The following SMAD4 variants were observed in gnomAD, a reference collection of about 807,000 sequenced individuals.
The protein encoded by SMAD4 is SMAD family member 4, also known as MAD homolog 4.
A neutral mutation model predicts 63.2 loss-of-function variants in SMAD4; 7 were observed. That is an observed-to-expected ratio of 0.11 (90% CI 0.06 to 0.21). The LOEUF is 0.21. Ranked by LOEUF, SMAD4 falls within the 10% of genes least tolerant of loss-of-function variation. SMAD4 has a pLI of 1.00. For synonymous variants in SMAD4, 215 were observed against 235.4 expected, an observed-to-expected ratio of 0.91 and a Z score of 0.79; for missense variants, 312 against 693.8, an observed-to-expected ratio of 0.45 and a Z score of 6.18.
In SMAD4 at chr18:51,035,456, C is replaced by G. The variant is rs906541836; in HGVS notation, c.-128+4833C>G. Among the ~76,000 whole-genome samples, 8 of 152,220 alleles carry G rather than the reference C, an allele frequency of 5.3e-5. No homozygotes were observed. In the South Asian group the frequency reaches 1.7e-3, roughly 32 times the overall value. On this transcript the variant is annotated intron_variant, in intron 1 of 11. Transcript: ENST00000342988. ...CTTCAGGAGGCTAAGGCAAGAGGATCACTTGAGCCCAGGATTTCAAGGCCA... is the reference window on the plus strand; with the variant it reads ...CTTCAGGAGGCTAAGGCAAGAGGATGACTTGAGCCCAGGATTTCAAGGCCA...
rs1909892677 is a variant in SMAD4, at chr18:51,058,175, A to T, written c.718A>T (p.Ile240Leu). The change falls in exon 6 of 12, where the codon ATA becomes TTA. Residue 240 changes from isoleucine (I) to leucine (L), a missense_variant. Around this residue, in one of 4 missense-constraint regions of SMAD4, gnomAD observed 169 missense variants for 211.0 expected, o/e 0.80. Transcript: ENST00000342988. The stretch of plus-strand genomic sequence containing the variant: ...CAGCCATAGTGAAGGACTGTTGCAG[A>T]TAGCATCAGGGCCTCAGCCAGGACA... ...GGSHSEGLLQIASGPQPGQQQ... is the reference protein window; with the variant it reads ...GGSHSEGLLQLASGPQPGQQQ... 1 of 1,614,144 alleles carries T rather than the reference A, an allele frequency of 6.2e-7. No homozygotes were observed.
intron 7 of SMAD4, 141 bp downstream of exon 7, chr18:51,058,597 G>A (rs1352453111): frequency 4.5e-6 from 3 of 661,672 alleles, no homozygotes; most frequent in Non-Finnish European, 7.8e-6. Flanking sequence ...AGTATTTTTT[G>A]TAAACAGTAT....
chr18:51,055,638 G>T (rs940259825), intron 5 of SMAD4, among the ~76,000 whole-genome samples: 3 of 151,732 alleles, frequency 2.0e-5, no homozygotes, highest in African/African-American at 4.8e-5. Flanking sequence ...ACCTGGTTCT[G>T]TTACTTATTT....
At chr18:51,051,287 A>G (rs1295151995) in intron 4 of SMAD4, 1 of 449,104 alleles carries the variant, frequency 2.2e-6, no homozygotes, top group Non-Finnish European at 4.5e-6. Flanking sequence ...GTAGGGCTGT[A>G]TTCAGCCTTG....
intron 4 of SMAD4, chr18:51,053,230 A>G (rs1909753916): frequency 6.6e-6 from 1 of 152,144 alleles, no homozygotes; most frequent in Admixed American, 6.5e-5. Context: ...AAAACCAGTA[A>G]GTTGGTAAAA....
rs1599186888 is a variant in SMAD4, at chr18:51,054,867, A to G, written c.541A>G (p.Thr181Ala). The change falls in exon 5 of 12, where the codon ACC becomes GCC. Residue 181 changes from threonine to alanine, a missense_variant. Thr to Ala is a moderately conservative substitution (Grantham distance 58). This residue lies in a region of SMAD4 where 169 missense variants were observed against 211.0 expected (regional missense o/e 0.80). Transcript: ENST00000342988. ...SLSTEGHSIQTIQHPPSNRAS... is the reference protein window; with the variant it reads ...SLSTEGHSIQAIQHPPSNRAS... ...GTCCACTGAAGGACATTCAATTCAAACCATCCAGCATCCACCAAGTAATCG... is the reference window on the plus strand; with the variant it reads ...GTCCACTGAAGGACATTCAATTCAAGCCATCCAGCATCCACCAAGTAATCG... 1 of 1,614,112 alleles carries G rather than the reference A, an allele frequency of 6.2e-7. No homozygotes were observed. The highest frequency in any genetic ancestry group is 8.5e-7 in the Non-Finnish European group (1 of 1,179,936).
At chr18:51,075,473 TAA>T (rs1910448234) in intron 10 of SMAD4, among the ~76,000 whole-genome samples, 1 of 152,244 alleles carries the variant, frequency 6.6e-6, no homozygotes, top group African/African-American at 2.4e-5. Context: ...GTTCAGAAAT[TAA>T]AGTGATTTAA....
intron 4 of SMAD4, chr18:51,053,137 A>G (rs1909752405): frequency 6.6e-6 from 1 of 152,200 alleles, no homozygotes; most frequent in African/African-American, 2.4e-5. Flanking sequence ...AGATGTTATG[A>G]TTGCTGATTA....
intron 5 of SMAD4, among the ~76,000 whole-genome samples, chr18:51,055,466 C>T (rs1568205274): frequency 6.6e-6 from 1 of 151,674 alleles, no homozygotes; most frequent in East Asian, 1.9e-4. Context: ...TCAAGATAGA[C>T]ATTAATTAAG....
chr18:51,050,371 G>T (rs184766805), intron 4 of SMAD4, among the ~76,000 whole-genome samples: 16 of 148,626 alleles, frequency 1.1e-4, no homozygotes, highest in Non-Finnish European at 2.2e-4. Context: ...AAAAAAAAGT[G>T]GGGGGAGGCT....
In SMAD4 at chr18:51,059,886, G is replaced by T. The variant is rs774463256; in HGVS notation, c.925G>T (p.Ala309Ser). 6.2e-7 allele frequency: 1 copy of T among 1,613,258 alleles called. No individual in the cohort carries two copies. Among genetic ancestry groups the T allele is most frequent in the Non-Finnish European group, 8.5e-7 (1 of 1,179,358 alleles). ...GHYWPVHNELAFQPPISNHPA... is the reference protein window; with the variant it reads ...GHYWPVHNELSFQPPISNHPA... The stretch of plus-strand genomic sequence containing the variant: ...TTTAGGGCCTGTTCACAATGAGCTT[G>T]CATTCCAGCCTCCCATTTCCAATCA... The change falls in exon 8 of 12, where the codon GCA (alanine) becomes TCA (serine). Residue 309 changes from alanine to serine, a missense_variant. Ala to Ser is a moderately conservative substitution (Grantham distance 99). Around this residue, in one of 4 missense-constraint regions of SMAD4, gnomAD observed 169 missense variants for 211.0 expected, o/e 0.80. Transcript: ENST00000342988.
chr18:51,059,893 A>G lies in SMAD4; in HGVS notation c.932A>G (p.Gln311Arg), dbSNP rs1381679797. The stretch of plus-strand genomic sequence containing the variant: ...CCTGTTCACAATGAGCTTGCATTCC[A>G]GCCTCCCATTTCCAATCATCCTGGT... ...YWPVHNELAF[Q>R]PPISNHPAPE... is the part of the protein sequence containing the mutation. Residue 311 changes from glutamine (Q) to arginine (R), a missense_variant, in exon 8 of 12, where the codon CAG becomes CGG. Physicochemically the swap from Gln to Arg is conservative, Grantham distance 43 (BLOSUM62 1). This residue lies in a region of SMAD4 where 169 missense variants were observed against 211.0 expected (regional missense o/e 0.80). Coordinates refer to ENST00000342988, the MANE Select transcript of SMAD4 (RefSeq NM_005359.6). 6.2e-7 allele frequency: 1 copy of G among 1,612,974 alleles called. No homozygotes were observed. Among genetic ancestry groups the G allele is most frequent in the Non-Finnish European group, 8.5e-7 (1 of 1,179,210 alleles).
At chr18:51,045,027 G>A (rs949223399) in intron 1 of SMAD4, 3 of 152,222 alleles carry the variant, frequency 2.0e-5, no homozygotes, top group African/African-American at 7.2e-5. Context: ...TAACAACAGA[G>A]GGAGGAGCAA....
rs1476645102 is a variant in SMAD4 at position 51,083,145 on chromosome 18, G to A, written c.*4678G>A. 1 of 225,538 alleles carries A rather than the reference G, an allele frequency of 4.4e-6. No individual in the cohort carries two copies. The highest frequency in any genetic ancestry group is 6.4e-5 in the East Asian group (1 of 15,590). The allele number at this position is 225,538 out of a possible 1,614,324, so 14.0% of individuals were successfully genotyped here. ...TTGAATGCTGCTCTTACAAAAACTG[G>A]GGTTACAAGGGTTACTAAATTAGCA... On this transcript the variant is annotated 3_prime_UTR_variant, in exon 12 of 12. Coordinates refer to ENST00000342988, the MANE Select transcript of SMAD4 (RefSeq NM_005359.6).
chr18:51,070,484 AAAT>A (rs1454560427), intron 10 of SMAD4, among the ~76,000 whole-genome samples: 1 of 152,224 alleles, frequency 6.6e-6, no homozygotes, highest in Non-Finnish European at 1.5e-5. Context: ...TAAGATTTTA[AAAT>A]AATTATGTCT....
chr18:51,075,807 G>A (rs1379646490), intron 10 of SMAD4, among the ~76,000 whole-genome samples: 1 of 152,036 alleles, frequency 6.6e-6, no homozygotes, highest in Admixed American at 6.5e-5. Flanking sequence ...ATGACTACGG[G>A]GGAGGCTAAA....
In SMAD4 at chr18:51,065,419, A is replaced by G. The variant is rs1295343500; in HGVS notation, c.956-4A>G. ...GGATGTTCTTTCCCATTTATTTCCTATAGCTCCTGAGTATTGGTGTTCCAT... is the reference window on the plus strand; with the variant it reads ...GGATGTTCTTTCCCATTTATTTCCTGTAGCTCCTGAGTATTGGTGTTCCAT... On this transcript the variant is annotated splice_polypyrimidine_tract_variant and splice_region_variant and intron_variant, in intron 8 of 11. Transcript: ENST00000342988. The G allele has an allele frequency of 9.3e-6, 15 of 1,608,750 alleles. No homozygotes were observed. Among genetic ancestry groups the G allele is most frequent in the Non-Finnish European group, 1.3e-5 (15 of 1,176,140 alleles).
intron 5 of SMAD4, among the ~76,000 whole-genome samples, chr18:51,057,842 T>C (rs1909882650): frequency 6.6e-6 from 1 of 152,232 alleles, no homozygotes; most frequent in African/African-American, 2.4e-5. Context: ...AGGCCAGACG[T>C]ACAGTGGTGT....
chr18:51,031,958 C>T (rs1275241792), intron 1 of SMAD4, among the ~76,000 whole-genome samples: 2 of 151,964 alleles, frequency 1.3e-5, no homozygotes, highest in Non-Finnish European at 2.9e-5. Context: ...ACATAATATT[C>T]CAAACTGTAA....
Sources: allele counts gnomAD v4.1 joint callset (sites outside exome capture counted in the v4.1 genomes callset), GRCh38; gene constraint gnomAD v4.1.1; regional missense constraint gnomAD v4.1.1; transcripts MANE v1.5; gene names NCBI Gene and HGNC (gene_info 2026-07-23, HGNC 2026-07-21).